Variants in DMD observed in about 807,000 individuals in gnomAD.
DMD encodes mutant dystrophin.
DMD carries 63 observed loss-of-function variants against 330.1 expected under a neutral mutation model. That is an observed-to-expected ratio of 0.19 (90% confidence interval 0.16 to 0.24). The LOEUF (loss-of-function observed/expected upper bound fraction) is 0.24. Ranked by LOEUF, DMD falls within the 10% of genes least tolerant of loss-of-function variation. DMD has a pLI of 1.00. For missense variants in DMD, 3,344 were observed against 2,684.1 expected (o/e 1.25, Z -5.43); for synonymous variants, 1,223 against 959.8 (o/e 1.27, Z -5.07).
chrX:32,252,092 G>A (rs961818886), intron 43 of DMD, among the ~76,000 whole-genome samples: 1 of 111,509 alleles, frequency 9.0e-6, no homozygotes, highest in African/African-American at 3.3e-5. Flanking sequence ...ACTTATTTTT[G>A]TGGCCTACAA....
chrX:32,306,070 G>A lies in DMD; in HGVS notation c.6117+4012C>T, dbSNP rs1468179214. On this transcript the variant is annotated intron_variant, in intron 42 of 78. Transcript: ENST00000357033. ...GGTTTTTTTTTTTTTCCCAAAATAC[G>A]TATCACCTAGTAATACGCAATATTT... Among the ~76,000 whole-genome samples the A allele has an allele frequency of 6.6e-5, 7 of 106,143 alleles. No individual in the cohort carries two copies. The South Asian group carries it at 2.1e-3, about 31-fold the overall frequency. 92.2% of individuals were successfully genotyped at this position (106,143 alleles called of 115,157 possible).
At chrX:32,688,155 AATTC>A (rs1398723067) in intron 9 of DMD, among the ~76,000 whole-genome samples, 9 of 110,860 alleles carry the variant, frequency 8.1e-5, no homozygotes, top group Non-Finnish European at 1.3e-4. Flanking sequence ...TCCATCCAAT[AATTC>A]ATTCAAATTC....
chrX:32,380,389 G>T (rs1167461837), intron 34 of DMD, 121 bp downstream of exon 34: 1 of 685,511 alleles, frequency 1.5e-6, no homozygotes, highest in Non-Finnish European at 2.2e-6. Flanking sequence ...TTAAGAAAGG[G>T]AATATGAAAC....
chrX:32,965,980 A>G (rs2092136234), intron 2 of DMD, among the ~76,000 whole-genome samples: 1 of 112,024 alleles, frequency 8.9e-6, no homozygotes. Context: ...ACATGCAAGC[A>G]TAAATAACCA....
chrX:32,417,621 G>A (rs1440137321), intron 29 of DMD, among the ~76,000 whole-genome samples: 1 of 111,494 alleles, frequency 9.0e-6, no homozygotes, highest in Non-Finnish European at 1.9e-5. Context: ...TCAAGTGAAC[G>A]TGGAAGAAGA....
intron 48 of DMD, among the ~76,000 whole-genome samples, chrX:31,837,634 T>C (rs1008202764): frequency 2.7e-5 from 3 of 111,550 alleles, no homozygotes; most frequent in Non-Finnish European, 5.6e-5. Flanking sequence ...GCCTGGGCAA[T>C]CTTCCCCAGA....
chrX:31,706,556 A>ATT (rs34529444), intron 52 of DMD, among the ~76,000 whole-genome samples: 5 of 108,467 alleles, frequency 4.6e-5, no homozygotes, highest in East Asian at 2.9e-4. Context: ...GTTTATCAAC[A>ATT]TTTTTTTTTG....
intron 1 of DMD, among the ~76,000 whole-genome samples, chrX:33,259,714 C>A (rs1426735682): frequency 1.9e-5 from 2 of 106,902 alleles, no homozygotes; most frequent in African/African-American, 3.4e-5. Context: ...ATTCCACCTC[C>A]TGCCGCAACC....
At chrX:32,196,935 A>G (rs185286355) in intron 44 of DMD, among the ~76,000 whole-genome samples, 186 of 96,202 alleles carry the variant, frequency 1.9e-3, no homozygotes, top group East Asian at 9.5e-3. Flanking sequence ...GCAGTGAGCC[A>G]AGATCGCGCC....
intron 44 of DMD, among the ~76,000 whole-genome samples, chrX:32,133,843 C>T: frequency 9.0e-6 from 1 of 111,400 alleles, no homozygotes. Flanking sequence ...AAAGGTCCAC[C>T]CTCACCTCAC....
At chrX:33,231,670 T>C (rs1168164646) in intron 1 of DMD, among the ~76,000 whole-genome samples, 1 of 111,285 alleles carries the variant, frequency 9.0e-6, no homozygotes, top group African/African-American at 3.3e-5. Flanking sequence ...CAGTAGGCAA[T>C]TGTGATATAC....
intron 1 of DMD, among the ~76,000 whole-genome samples, chrX:33,268,155 A>T (rs1398385391): frequency 9.1e-6 from 1 of 110,005 alleles, no homozygotes; most frequent in Admixed American, 9.8e-5. Context: ...ACACCCGGCT[A>T]ATTTTTGTAT....
At chrX:33,094,807 CA>C (rs199716276) in intron 1 of DMD, among the ~76,000 whole-genome samples, 12,980 of 59,798 alleles carry the variant, frequency 0.22, 944 homozygotes, top group Middle Eastern at 0.45. Flanking sequence ...GACTCCATCT[CA>C]AAAAAAAAAA....
chrX:32,170,024 T>C (rs901974691), intron 44 of DMD, among the ~76,000 whole-genome samples: 3 of 111,853 alleles, frequency 2.7e-5, no homozygotes, highest in African/African-American at 9.7e-5. Flanking sequence ...TTCTAAATGA[T>C]TTTCCACATA....
At chrX:31,763,111 T>C (rs2089734615) in intron 51 of DMD, among the ~76,000 whole-genome samples, 3 of 112,903 alleles carry the variant, frequency 2.7e-5, no homozygotes, top group Admixed American at 1.9e-4. Flanking sequence ...TTACAGGAAA[T>C]TTAAATTTAT....
intron 2 of DMD, among the ~76,000 whole-genome samples, chrX:32,954,628 T>C (rs762447187): frequency 2.7e-5 from 3 of 111,629 alleles, no homozygotes; most frequent in Admixed American, 9.6e-5. Flanking sequence ...GTACAGATTA[T>C]TTTGTCATCC....
Position 32,029,594 on chromosome X carries a change from G to A in DMD, c.6439-61080C>T, listed in dbSNP as rs749643845. Among the ~76,000 whole-genome samples, 4 of 111,627 alleles carry A rather than the reference G, an allele frequency of 3.6e-5. No homozygotes were observed. In the South Asian group the frequency reaches 1.1e-3, roughly 32 times the overall value. ...CCTGGTTTGAATTGAACTTAAGGTA[G>A]CATTAACAAGAACTTGGGAAGTGCT... is the stretch of plus-strand genomic sequence containing the variant. On this transcript the variant is annotated intron_variant, in intron 44 of 78. Coordinates refer to ENST00000357033, the MANE Select transcript of DMD (RefSeq NM_004006.3).
At chrX:32,892,462 C>T (rs1011543354) in intron 2 of DMD, among the ~76,000 whole-genome samples, 1 of 112,016 alleles carries the variant, frequency 8.9e-6, no homozygotes, top group Non-Finnish European at 1.9e-5. Context: ...GGTGCGATCT[C>T]GGCTCACTGC....
rs200970973 is a variant in DMD at position 32,204,976 on chromosome X, A to ATCTC, written c.6438+11936_6438+11939dup. Among the ~76,000 whole-genome samples the ATCTC allele has an allele frequency of 8.7e-3, 393 of 45,245 alleles. 5 individuals carry two copies. Among genetic ancestry groups the ATCTC allele is most frequent in the Middle Eastern group, 0.027 (2 of 75 alleles). 39.3% of individuals were successfully genotyped at this position (45,245 alleles called of 115,157 possible). On this transcript the variant is annotated intron_variant, in intron 44 of 78. Transcript: ENST00000357033. ...TTCGGAGGTGATAAACATCCAAGCC[A>ATCTC]TCTCTCTCTCTCTCTCTCTCTCTCT...
Sources: allele counts gnomAD v4.1 joint callset (sites outside exome capture counted in the v4.1 genomes callset), GRCh38; gene constraint gnomAD v4.1.1; transcripts MANE v1.5; gene names NCBI Gene and HGNC (gene_info 2026-07-23, HGNC 2026-07-21).